SMG5: variants seen among roughly 807,000 people sequenced by gnomAD.
SMG5 encodes the protein nonsense-mediated mRNA decay factor SMG5.
In SMG5, 53 loss-of-function variants were observed where a neutral mutation model predicts 122.9. That is an observed-to-expected ratio of 0.43 (90% CI 0.35 to 0.54). SMG5 has a LOEUF of 0.54. Among genes scored for constraint, SMG5 ranks in the 20% least tolerant of loss-of-function variants. The pLI is 0.01. For synonymous variants in SMG5, 477 were observed against 490.2 expected (o/e 0.97, Z 0.35); for missense variants, 1,153 against 1,285.6 (o/e 0.90, Z 1.58).
chr1:156,287,077 C>T (rs1259568100), upstream of SMG5, among the ~76,000 whole-genome samples: 4 of 151,840 alleles, frequency 2.6e-5, no homozygotes, highest in Admixed American at 2.6e-4. Flanking sequence ...GACACAAGAT[C>T]GTGTCACTGT....
intron 20 of SMG5, 96 bp from the exon 21 acceptor site, chr1:156,251,092 G>A (rs1558230806): frequency 6.6e-7 from 1 of 1,511,846 alleles, no homozygotes. Context: ...GCTGGGGGCT[G>A]GGAGGGCAGT....
intron 4 of SMG5, among the ~76,000 whole-genome samples, chr1:156,275,007 A>G (rs1349802974): frequency 1.3e-5 from 2 of 152,168 alleles, no homozygotes; most frequent in African/African-American, 4.8e-5. Context: ...GGAGGAAGGG[A>G]TGAGCTTCAA....
intron 1 of SMG5, among the ~76,000 whole-genome samples, chr1:156,279,421 T>A (rs962951440): frequency 6.6e-6 from 1 of 152,120 alleles, no homozygotes; most frequent in Non-Finnish European, 1.5e-5. Context: ...TGTGATATGG[T>A]AAGGCCGACT....
intron 1 of SMG5, 49 bp downstream of exon 1, chr1:156,282,558 G>C (rs747863402): frequency 3.9e-6 from 6 of 1,527,734 alleles, no homozygotes; most frequent in Non-Finnish European, 4.4e-6. Flanking sequence ...GCCCCTCGCC[G>C]TCTCCCCACT....
chr1:156,250,407 G>A lies in SMG5; in HGVS notation c.*180C>T, dbSNP rs1489784898. The A allele has an allele frequency of 1.6e-6, 1 of 639,838 alleles. No individual in the cohort carries two copies. The highest frequency in any genetic ancestry group is 1.8e-5 in the African/African-American group (1 of 54,936). 39.6% of individuals were successfully genotyped at this position (639,838 alleles called of 1,614,324 possible). On this transcript the variant is annotated 3_prime_UTR_variant, in exon 22 of 22. Transcript: ENST00000361813. ...CTTTCCTAACGTCTTGGCAACAAAG[G>A]GACCCCACCCTCCCAGCCGGCTCCT...
intron 19 of SMG5, 87 bp from the exon 20 acceptor site, chr1:156,251,564 C>CA: frequency 7.2e-7 from 1 of 1,389,772 alleles, no homozygotes; most frequent in Non-Finnish European, 1.0e-6. Flanking sequence ...CTCTGGGGGC[C>CA]TGGTTTTGCA....
rs540566981 is a variant in SMG5 at position 156,268,539 on chromosome 1, T to C, written c.714-124A>G. ...CTCCCAGCCTCAGCTTCCATGTACA[T>C]ACGCAGGGTAAAAGGCTCATGAGCT... On this transcript the variant is annotated intron_variant, in intron 7 of 21. Transcript: ENST00000361813. 4 of 1,242,130 alleles carry C rather than the reference T, an allele frequency of 3.2e-6. No homozygotes were observed. In the South Asian group the frequency reaches 5.8e-5, roughly 18 times the overall value. The allele number at this position is 1,242,130 out of a possible 1,614,324, so 76.9% of individuals were successfully genotyped here. A position where few individuals can be genotyped will look rare whatever the true frequency, so the allele number is the denominator to read the frequency against.
intron 12 of SMG5, 34 bp downstream of exon 12, chr1:156,265,747 G>C: frequency 6.3e-7 from 1 of 1,592,590 alleles, no homozygotes; most frequent in Non-Finnish European, 8.6e-7. Context: ...ATGGAGGTGC[G>C]GACCAGAACA....
At chr1:156,270,845 T>C (rs1422123305) in intron 7 of SMG5, among the ~76,000 whole-genome samples, 1 of 152,070 alleles carries the variant, frequency 6.6e-6, no homozygotes, top group Non-Finnish European at 1.5e-5. Context: ...CGGTCTCTAC[T>C]AAAAATACAA....
At chr1:156,287,370 C>A (rs1199853632), upstream of SMG5, among the ~76,000 whole-genome samples, 1 of 152,026 alleles carries the variant, frequency 6.6e-6, no homozygotes, top group Non-Finnish European at 1.5e-5. Flanking sequence ...GAGCCAAGAT[C>A]GCGCCATTGC....
intron 1 of SMG5, among the ~76,000 whole-genome samples, chr1:156,279,611 AAAT>A (rs1662842184): frequency 6.6e-6 from 1 of 152,238 alleles, no homozygotes; most frequent in South Asian, 2.1e-4. Context: ...GGATTAAATG[AAAT>A]AATAATTTAT....
Position 156,273,415 on chromosome 1 carries a change from C to T in SMG5, c.580G>A (p.Glu194Lys), listed in dbSNP as rs1358615818. 1.8e-5 allele frequency: 29 copies of T among 1,613,946 alleles called. No individual in the cohort carries two copies. Among genetic ancestry groups the T allele is most frequent in the African/African-American group, 2.7e-5 (2 of 74,904 alleles). Residue 194 changes from glutamate to lysine, a missense_variant, in exon 6 of 22, where the codon GAG becomes AAG. Around this residue, in one of 5 missense-constraint regions of SMG5, gnomAD observed 85 missense variants for 127.3 expected, o/e 0.67. Coordinates refer to ENST00000361813, the MANE Select transcript of SMG5 (RefSeq NM_015327.3). ...YQNELAGVDT[E>K]LLAERFYYQA... ...TAGTAAAATCTCTCGGCTAGCAGCT[C>T]GGTATCTACGCCAGCTAATTCATTC...
intron 13 of SMG5, among the ~76,000 whole-genome samples, chr1:156,262,976 C>G (rs1467656374): frequency 2.0e-5 from 3 of 152,242 alleles, no homozygotes; most frequent in Non-Finnish European, 4.4e-5. Flanking sequence ...TCTCCTTAAG[C>G]TGTTCCCCCT....
intron 4 of SMG5, among the ~76,000 whole-genome samples, chr1:156,275,351 T>A (rs1662636077): frequency 6.6e-6 from 1 of 152,150 alleles, no homozygotes; most frequent in Non-Finnish European, 1.5e-5. Flanking sequence ...ACCTCTCCCT[T>A]CCCAAGAAAC....
chr1:156,287,744 G>A (rs1040633390), upstream of SMG5, among the ~76,000 whole-genome samples: 3 of 150,994 alleles, frequency 2.0e-5, no homozygotes, highest in Admixed American at 6.6e-5. Context: ...AGCCTCCCGC[G>A]TAGCTGGGAT....
intron 1 of SMG5, among the ~76,000 whole-genome samples, chr1:156,281,239 A>G (rs1662920532): frequency 6.6e-6 from 1 of 152,266 alleles, no homozygotes; most frequent in African/African-American, 2.4e-5. Flanking sequence ...CCACACAGGC[A>G]AACACATCAG....
At chr1:156,275,220 A>T (rs1441798734) in intron 4 of SMG5, among the ~76,000 whole-genome samples, 1 of 152,120 alleles carries the variant, frequency 6.6e-6, no homozygotes, top group Non-Finnish European at 1.5e-5. Context: ...GCTAAGGCAG[A>T]TGCTCCTAGT....
chr1:156,276,058 C>T (rs566155466), intron 4 of SMG5, among the ~76,000 whole-genome samples: 22 of 151,904 alleles, frequency 1.4e-4, no homozygotes, highest in Non-Finnish European at 2.8e-4. Flanking sequence ...TTAAGCAATC[C>T]TCCCGCCTTG....
upstream of SMG5, chr1:156,283,017 C>T (rs1663042484): frequency 2.0e-6 from 1 of 502,560 alleles, no homozygotes; most frequent in African/African-American, 2.0e-5. Context: ...TATCAGAGAA[C>T]GGACAGTGTA....
Sources: gnomAD v4.1 joint callset for allele counts (sites outside exome capture counted in the v4.1 genomes callset) on GRCh38, gnomAD v4.1.1 for gene constraint, gnomAD v4.1.1 regional missense constraint, MANE v1.5 for transcripts, NCBI Gene and HGNC (gene_info 2026-07-23, HGNC 2026-07-21) for gene names.